Variants in MCTP2 observed in about 807,000 individuals in gnomAD.
MCTP2 encodes multiple C2 and transmembrane domain-containing protein 2.
In MCTP2, 132 loss-of-function variants were observed where a neutral mutation model predicts 111.6. The observed-to-expected ratio is 1.18, with a 90% confidence interval of 1.03 to 1.37. The LOEUF (loss-of-function observed/expected upper bound fraction) is 1.37. Among genes scored for constraint, MCTP2 ranks in the 40% most tolerant of loss-of-function variants. The pLI is 0.00. For synonymous variants in MCTP2, 395 were observed against 387.7 expected, an observed-to-expected ratio of 1.02 and a Z score of -0.22; for missense variants, 1,183 against 1,067.9, an observed-to-expected ratio of 1.11 and a Z score of -1.50.
Position 94,384,018 on chromosome 15 carries a change from C to T in MCTP2, c.1583-4C>T, listed in dbSNP as rs1371060132. 1 of 1,605,736 alleles carries T rather than the reference C, an allele frequency of 6.2e-7. No individual in the cohort carries two copies. Among genetic ancestry groups the T allele is most frequent in the South Asian group, 1.1e-5 (1 of 90,862 alleles). On this transcript the variant is annotated splice_region_variant and splice_polypyrimidine_tract_variant and intron_variant, in intron 12 of 22. Transcript: ENST00000357742. The stretch of plus-strand genomic sequence containing the variant: ...TTTGACCGATGTGTATGTTATCTTT[C>T]CAGGGAAGAGTGACCCATTTTGCTT...
chr15:94,397,136 T>G (rs2152470675), intron 14 of MCTP2, among the ~76,000 whole-genome samples: 2 of 152,304 alleles, frequency 1.3e-5, no homozygotes, highest in South Asian at 4.1e-4. Context: ...TATATTCTAT[T>G]TTTTAAGATA....
intron 13 of MCTP2, 100 bp from the exon 14 acceptor site, chr15:94,385,323 G>T (rs2080394167): frequency 1.3e-6 from 1 of 772,580 alleles, no homozygotes; most frequent in Admixed American, 2.0e-5. Context: ...TATACTCTAA[G>T]GACATACAGA....
At chr15:94,462,899 T>G (rs1460786060) in intron 20 of MCTP2, among the ~76,000 whole-genome samples, 3 of 152,204 alleles carry the variant, frequency 2.0e-5, no homozygotes, top group African/African-American at 7.2e-5. Context: ...ATATTAACTA[T>G]TATGAGTATT....
At chr15:94,324,627 G>A (rs2076776851) in intron 4 of MCTP2, among the ~76,000 whole-genome samples, 1 of 152,066 alleles carries the variant, frequency 6.6e-6, no homozygotes, top group African/African-American at 2.4e-5. Context: ...CGTTTCTAGA[G>A]CAATGGCAGC....
At chr15:94,264,394 G>T (rs1448723019) in intron 1 of MCTP2, among the ~76,000 whole-genome samples, 1 of 152,056 alleles carries the variant, frequency 6.6e-6, no homozygotes, top group Non-Finnish European at 1.5e-5. Flanking sequence ...GGATCACGAG[G>T]TCAGGAGATC....
intron 17 of MCTP2, 58 bp from the exon 18 acceptor site, chr15:94,440,118 G>C: frequency 6.3e-7 from 1 of 1,589,570 alleles, no homozygotes; most frequent in Admixed American, 1.7e-5. Context: ...GTAGGAATTT[G>C]ATTGCTCCCC....
At chr15:94,402,826 A>G (rs2081669002) in intron 17 of MCTP2, 8 of 1,327,290 alleles carry the variant, frequency 6.0e-6, no homozygotes, top group Non-Finnish European at 6.8e-6. Flanking sequence ...AAAGATCACT[A>G]TAAAAACTAA....
intron 2 of MCTP2, among the ~76,000 whole-genome samples, chr15:94,309,320 A>T (rs1463669590): frequency 6.6e-6 from 1 of 152,212 alleles, no homozygotes; most frequent in Non-Finnish European, 1.5e-5. Context: ...GATAGACAAG[A>T]TACGGGTTAT....
intron 1 of MCTP2, among the ~76,000 whole-genome samples, chr15:94,239,202 T>TTATATTTCTTGGAA (rs1442820308): frequency 6.6e-6 from 1 of 152,178 alleles, no homozygotes; most frequent in Non-Finnish European, 1.5e-5. Context: ...AAAAATAACA[T>TTATATTTCTTGGAA]TATATTTCTT....
chr15:94,331,658 T>C (rs1448483976), intron 4 of MCTP2, among the ~76,000 whole-genome samples: 3 of 152,260 alleles, frequency 2.0e-5, no homozygotes, highest in Non-Finnish European at 4.4e-5. Flanking sequence ...TTCAGGTCAC[T>C]GATTTCGCTG....
In MCTP2 at chr15:94,339,305, A is replaced by C. The variant is rs2077517307; in HGVS notation, c.653A>C (p.Tyr218Ser). ...CCTTTTAAAGGCACAAGTGATCCTT[A>C]TGTGAAATTTAAGCTGAATGGGAAG... is the stretch of plus-strand genomic sequence containing the variant. ...VRDRCGTSDP[Y>S]VKFKLNGKTL... Residue 218 changes from tyrosine (Y) to serine (S), a missense_variant, in exon 5 of 23, where the codon TAT becomes TCT. Transcript: ENST00000357742. The C allele has an allele frequency of 2.5e-6, 4 of 1,605,458 alleles. No homozygotes were observed. The highest frequency in any genetic ancestry group is 3.4e-6 in the Non-Finnish European group (4 of 1,176,606).
chr15:94,232,557 A>G (rs2152199357), intron 1 of MCTP2, among the ~76,000 whole-genome samples: 1 of 152,316 alleles, frequency 6.6e-6, no homozygotes, highest in South Asian at 2.1e-4. Flanking sequence ...AGTCAGTAGC[A>G]TTTCAATTCA....
At chr15:94,425,408 A>G (rs554470410) in intron 17 of MCTP2, among the ~76,000 whole-genome samples, 22 of 152,240 alleles carry the variant, frequency 1.4e-4, no homozygotes, top group African/African-American at 4.3e-4. Flanking sequence ...TTGTTCTTCC[A>G]TATAAGAGGT....
At chr15:94,282,663 T>C (rs2074547749) in intron 1 of MCTP2, among the ~76,000 whole-genome samples, 1 of 152,244 alleles carries the variant, frequency 6.6e-6, no homozygotes, top group South Asian at 2.1e-4. Context: ...CTCATCTGTA[T>C]GGGCTGATGT....
intron 1 of MCTP2, among the ~76,000 whole-genome samples, chr15:94,287,770 A>G (rs1259122779): frequency 6.6e-6 from 1 of 152,186 alleles, no homozygotes. Flanking sequence ...GTCTCTATCC[A>G]TAGATCCCCT....
Position 94,298,645 on chromosome 15 carries a change from C to T in MCTP2, c.380C>T (p.Pro127Leu), listed in dbSNP as rs1262562250. The T allele has an allele frequency of 6.2e-7, 1 of 1,614,112 alleles. No individual in the cohort carries two copies. Among genetic ancestry groups the T allele is most frequent in the Non-Finnish European group, 8.5e-7 (1 of 1,180,014 alleles). The change falls in exon 2 of 23, where the codon CCT becomes CTT. Residue 127 changes from proline to leucine, a missense_variant. Coordinates refer to ENST00000357742, the MANE Select transcript of MCTP2 (RefSeq NM_001385001.1). Reference sequence around the variant, plus strand: ...GACTCAGAGGAGGCCTATGCCTCTCCTGCTGAGCGGAGACGGGTGTCCAGC... The same window carrying T: ...GACTCAGAGGAGGCCTATGCCTCTCTTGCTGAGCGGAGACGGGTGTCCAGC... ...ETDSEEAYASPAERRRVSSNG... is the reference protein window; with the variant it reads ...ETDSEEAYASLAERRRVSSNG...
At chr15:94,429,316 T>A (rs1482338434) in intron 17 of MCTP2, among the ~76,000 whole-genome samples, 1 of 152,172 alleles carries the variant, frequency 6.6e-6, no homozygotes, top group Non-Finnish European at 1.5e-5. Flanking sequence ...CTCTCCTCAT[T>A]TATTGCTACA....
chr15:94,339,602 C>T (rs1008871872), intron 5 of MCTP2, among the ~76,000 whole-genome samples, 170 bp downstream of exon 5: 5 of 152,276 alleles, frequency 3.3e-5, no homozygotes, highest in African/African-American at 9.6e-5. Flanking sequence ...GTATGTTTCT[C>T]TTCAATCAAT....
At chr15:94,276,859 A>G (rs906825888) in intron 1 of MCTP2, among the ~76,000 whole-genome samples, 2 of 146,030 alleles carry the variant, frequency 1.4e-5, no homozygotes, top group Non-Finnish European at 3.0e-5. Flanking sequence ...AAAAAAAAAA[A>G]GAGATATGTT....
Sources: gnomAD v4.1 joint callset for allele counts (sites outside exome capture counted in the v4.1 genomes callset) on GRCh38, gnomAD v4.1.1 for gene constraint, MANE v1.5 for transcripts, NCBI Gene and HGNC (gene_info 2026-07-23, HGNC 2026-07-21) for gene names.